EPB41L4A: variants seen among roughly 807,000 people sequenced by gnomAD.
EPB41L4A encodes the protein band 4.1-like protein 4A.
A neutral mutation model predicts 108.6 loss-of-function variants in EPB41L4A; 100 were observed. That is an observed-to-expected ratio of 0.92 (90% CI 0.78 to 1.09). The LOEUF (loss-of-function observed/expected upper bound fraction) is 1.09. Among genes scored for constraint, EPB41L4A ranks in the 50% least tolerant of loss-of-function variants. The pLI is 0.00. For synonymous variants in EPB41L4A, 319 were observed against 289.0 expected (o/e 1.10, Z -1.05); for missense variants, 1,030 against 842.7 (o/e 1.22, Z -2.75).
chr5:112,362,686 GAAC>G (rs1758848175), intron 1 of EPB41L4A, among the ~76,000 whole-genome samples: 2 of 152,098 alleles, frequency 1.3e-5, no homozygotes, highest in Non-Finnish European at 2.9e-5. Flanking sequence ...AAACCTTGAG[GAAC>G]AACAGATAAA....
intron 7 of EPB41L4A, 85 bp from the exon 8 acceptor site, chr5:112,260,064 G>T: frequency 2.0e-6 from 2 of 998,242 alleles, no homozygotes; most frequent in Non-Finnish European, 3.1e-6. Flanking sequence ...AATATAATTT[G>T]TTACATTAAT....
chr5:112,247,305 G>C (rs1244877523), intron 9 of EPB41L4A, among the ~76,000 whole-genome samples: 1 of 152,126 alleles, frequency 6.6e-6, no homozygotes, highest in Non-Finnish European at 1.5e-5. Flanking sequence ...GAATGTACAA[G>C]TTATTCATTT....
In EPB41L4A at chr5:112,275,338, T is replaced by C. The variant is rs1221963063; in HGVS notation, c.323A>G (p.Glu108Gly). ...GTCAATACTATACCTGGTTATTTCTTCTTTAAGTTTACATGGATCTTCAGC... is the reference window on the plus strand; with the variant it reads ...GTCAATACTATACCTGGTTATTTCTCCTTTAAGTTTACATGGATCTTCAGC... ...FYAEDPCKLK[E>G]EITRYQFFLQ... is the part of the protein sequence containing the mutation. Residue 108 changes from glutamate (E) to glycine (G), a missense_variant, in exon 4 of 23, where the codon GAA becomes GGA. Glu to Gly is a moderately conservative substitution (Grantham distance 98, BLOSUM62 -2). Transcript: ENST00000261486. 6.4e-7 allele frequency: 1 copy of C among 1,553,206 alleles called. No homozygotes were observed.
intron 1 of EPB41L4A, among the ~76,000 whole-genome samples, chr5:112,370,939 A>T (rs1346679802): frequency 1.3e-5 from 2 of 152,220 alleles, no homozygotes; most frequent in African/African-American, 4.8e-5. Flanking sequence ...ACTCTGTCTC[A>T]AAAAAGTAAG....
At chr5:112,339,488 A>ATC (rs1554100008) in intron 1 of EPB41L4A, among the ~76,000 whole-genome samples, 5 of 51,938 alleles carry the variant, frequency 9.6e-5, no homozygotes, top group African/African-American at 1.9e-4. Flanking sequence ...ATATATATAT[A>ATC]TATATATCTA....
chr5:112,162,446 C>G (rs1369564597), downstream of EPB41L4A: 1 of 151,954 alleles, frequency 6.6e-6, no homozygotes, highest in East Asian at 1.9e-4. Context: ...TGTGTTTGGC[C>G]CAAAGAGAAA....
intron 1 of EPB41L4A, among the ~76,000 whole-genome samples, chr5:112,361,153 A>C (rs1175250627): frequency 6.6e-6 from 1 of 151,912 alleles, no homozygotes; most frequent in Non-Finnish European, 1.5e-5. Context: ...GACATAGGAG[A>C]CTCCATTTTG....
chr5:112,165,007 G>C lies in EPB41L4A; in HGVS notation c.2044C>G (p.Leu682Val), dbSNP rs959892240. 3.7e-6 allele frequency: 6 copies of C among 1,613,694 alleles called. No homozygotes were observed. The highest frequency in any genetic ancestry group is 5.1e-6 in the Non-Finnish European group (6 of 1,179,928). Residue 682 changes from leucine (L) to valine (V), a missense_variant, in exon 23 of 23, where the codon CTC becomes GTC. Transcript: ENST00000261486. ...KTIKTIQASRLKTET is the reference protein window; with the variant it reads ...KTIKTIQASRVKTET ...CATCAGGATCAAGTCTCTGTCTTGA[G>C]GCGGGAAGCTTGTATAGTTTTTATT...
At chr5:112,187,183 T>C (rs1761469029) in intron 17 of EPB41L4A, among the ~76,000 whole-genome samples, 1 of 152,236 alleles carries the variant, frequency 6.6e-6, no homozygotes, top group Non-Finnish European at 1.5e-5. Context: ...TTGTCATTTA[T>C]GTTGTGGATC....
Position 112,169,991 on chromosome 5 carries a change from A to C in EPB41L4A, c.1739+310T>G, listed in dbSNP as rs1003075711. ...TGGTCAACATAATTCTCTTGGTGTAAAATAATGGATAAAAAACTTTATCAG... is the reference window on the plus strand; with the variant it reads ...TGGTCAACATAATTCTCTTGGTGTACAATAATGGATAAAAAACTTTATCAG... On this transcript the variant is annotated intron_variant, in intron 20 of 22. Coordinates refer to ENST00000261486, the MANE Select transcript of EPB41L4A (RefSeq NM_022140.5). The C allele has an allele frequency of 5.9e-5, 19 of 324,168 alleles. No homozygotes were observed. The East Asian group carries it at 1.7e-3, about 30-fold the overall frequency. The allele number at this position is 324,168 out of a possible 1,614,324, so 20.1% of individuals were successfully genotyped here.
rs1186499825 is a variant in EPB41L4A at position 112,184,016 on chromosome 5, G to A, written c.1622C>T (p.Ser541Leu). 5 of 1,613,854 alleles carry A rather than the reference G, an allele frequency of 3.1e-6. No homozygotes were observed. Among genetic ancestry groups the A allele is most frequent in the South Asian group, 2.2e-5 (2 of 91,048 alleles). ...NNRRSRHRSR[S>L]RSPDIQAKEE... ...CAAGGTATAAAAAGAGTCCACATACGAACGAGATCTGTGTCTGGATCGCCT... is the reference window on the plus strand; with the variant it reads ...CAAGGTATAAAAAGAGTCCACATACAAACGAGATCTGTGTCTGGATCGCCT... Residue 541 changes from serine to leucine, a missense_variant and splice_region_variant, in exon 18 of 23, where the codon TCG becomes TTG. Physicochemically the swap from Ser to Leu is moderately radical, Grantham distance 145. Coordinates refer to ENST00000261486, the MANE Select transcript of EPB41L4A (RefSeq NM_022140.5).
intron 17 of EPB41L4A, among the ~76,000 whole-genome samples, chr5:112,194,359 A>G (rs1202107944): frequency 1.3e-5 from 2 of 152,128 alleles, no homozygotes; most frequent in Non-Finnish European, 2.9e-5. Flanking sequence ...AAGGGACCTC[A>G]TTGTCAAGTT....
At chr5:112,410,196 A>G (rs185785669) in intron 1 of EPB41L4A, among the ~76,000 whole-genome samples, 1 of 152,176 alleles carries the variant, frequency 6.6e-6, no homozygotes, top group East Asian at 1.9e-4. Context: ...TTCAGAGACT[A>G]GGAAGCAGCT....
At chr5:112,219,677 TA>T (rs571848963) in intron 12 of EPB41L4A, among the ~76,000 whole-genome samples, 1,728 of 152,324 alleles carry the variant, frequency 0.011, 13 homozygotes, top group Middle Eastern at 0.024. Context: ...TTATTAAATA[TA>T]AAAAGTAAAT....
intron 1 of EPB41L4A, among the ~76,000 whole-genome samples, chr5:112,413,420 T>C (rs1762525149): frequency 6.6e-6 from 1 of 152,210 alleles, no homozygotes; most frequent in African/African-American, 2.4e-5. Context: ...AACTCCATTA[T>C]CTAGAAGATT....
chr5:112,317,367 C>G (rs1755496470), intron 1 of EPB41L4A, among the ~76,000 whole-genome samples: 1 of 152,038 alleles, frequency 6.6e-6, no homozygotes, highest in East Asian at 1.9e-4. Flanking sequence ...ATTTTTTATT[C>G]CTGCTTTATA....
chr5:112,182,903 G>A lies in EPB41L4A; in HGVS notation c.1622+1113C>T, dbSNP rs950414777. 3.3e-5 allele frequency among the ~76,000 whole-genome samples: 5 copies of A among 151,914 alleles called. 1 individual carries two copies. Among genetic ancestry groups the A allele is most frequent in the African/African-American group, 1.2e-4 (5 of 41,296 alleles). ...ATTAGGTTGCTAAAAAAAAATTACA[G>A]AGTAATTAATACATCTGTAAGGGTG... On this transcript the variant is annotated intron_variant, in intron 18 of 22. Transcript: ENST00000261486.
At chr5:112,349,725 A>G (rs1757918678) in intron 1 of EPB41L4A, among the ~76,000 whole-genome samples, 1 of 152,214 alleles carries the variant, frequency 6.6e-6, no homozygotes, top group Non-Finnish European at 1.5e-5. Context: ...GGAGATGTCC[A>G]GAACAACATG....
chr5:112,318,480 T>C lies in EPB41L4A; in HGVS notation c.100-10990A>G, dbSNP rs563172186. On this transcript the variant is annotated intron_variant, in intron 1 of 22. Coordinates refer to ENST00000261486, the MANE Select transcript of EPB41L4A (RefSeq NM_022140.5). ...AGAGACCTTGAGAATACATAAGAAGTTGGACTCAAGCCCAACCTTTCAGAC... is the reference window on the plus strand; with the variant it reads ...AGAGACCTTGAGAATACATAAGAAGCTGGACTCAAGCCCAACCTTTCAGAC... 9.2e-5 allele frequency among the ~76,000 whole-genome samples: 14 copies of C among 152,196 alleles called. No homozygotes were observed. In the East Asian group the frequency reaches 2.7e-3, roughly 29 times the overall value.
Sources: allele counts gnomAD v4.1 joint callset (sites outside exome capture counted in the v4.1 genomes callset), GRCh38; gene constraint gnomAD v4.1.1; transcripts MANE v1.5; gene names NCBI Gene and HGNC (gene_info 2026-07-23, HGNC 2026-07-21).